Variants in RELN observed in about 807,000 individuals in gnomAD.
RELN encodes the protein reelin.
RELN carries 108 observed loss-of-function variants against 427.6 expected under a neutral mutation model. The ratio of observed to expected loss-of-function variants is 0.25; its 90% confidence interval spans 0.22 to 0.30. The LOEUF (loss-of-function observed/expected upper bound fraction) is 0.30, where lower values mean the gene tolerates loss of function less well. RELN is among the 10% of genes least tolerant of loss of function. The pLI, the probability that RELN is intolerant of heterozygous loss-of-function variation, is 1.00. For synonymous variants in RELN, 1,524 were observed against 1,513.4 expected (o/e 1.01, Z -0.16); for missense variants, 3,715 against 4,302.8 (o/e 0.86, Z 3.82).
intron 3 of RELN, among the ~76,000 whole-genome samples, chr7:103,807,589 G>T (rs1389445845): frequency 6.6e-6 from 1 of 152,070 alleles, no homozygotes; most frequent in Admixed American, 6.6e-5. Flanking sequence ...CCGATAGGTA[G>T]CCTGCCAATC....
Position 103,753,189 on chromosome 7 carries a change from T to A in RELN, c.570A>T (p.Pro190=), listed in dbSNP as rs768360835. Residue 190 remains proline (P), a synonymous_variant, in exon 5 of 65, where the codon CCA becomes CCT. Coordinates refer to ENST00000428762, the MANE Select transcript of RELN (RefSeq NM_005045.4). ...AGAGTCTTAAACACTTACCTAGATG[T>A]GGGTGCACAGTGACATCTGTTGGAG... ...QGAPTDVTVH[P]HLAEIHSDSI... is the part of the protein sequence containing the mutation. The A allele has an allele frequency of 3.1e-6, 5 of 1,613,948 alleles. No individual in the cohort carries two copies. In the Admixed American group the frequency reaches 8.3e-5, roughly 27 times the overall value.
At chr7:103,985,859 G>C (rs768234882) in intron 1 of RELN, among the ~76,000 whole-genome samples, 1 of 152,204 alleles carries the variant, frequency 6.6e-6, no homozygotes, top group African/African-American at 2.4e-5. Flanking sequence ...GTCCCTAGGA[G>C]AAGGTGTGCT....
chr7:103,616,704 T>C (rs1288624044), intron 20 of RELN, among the ~76,000 whole-genome samples: 1 of 152,162 alleles, frequency 6.6e-6, no homozygotes, highest in East Asian at 1.9e-4. Context: ...ATAATAAATA[T>C]GCTTTACTCC....
intron 1 of RELN, among the ~76,000 whole-genome samples, chr7:103,952,234 C>T (rs193052983): frequency 2.6e-5 from 4 of 152,212 alleles, no homozygotes; most frequent in East Asian, 1.9e-4. Flanking sequence ...ATGGGTGAGT[C>T]CAAGGATCAG....
intron 64 of RELN, among the ~76,000 whole-genome samples, chr7:103,473,744 T>G (rs1827937542): frequency 1.3e-5 from 2 of 152,292 alleles, no homozygotes; most frequent in South Asian, 4.1e-4. Flanking sequence ...TTTGGTATAG[T>G]CCTTTAAAAA....
chr7:103,699,207 GT>G (rs1834040057), intron 9 of RELN, among the ~76,000 whole-genome samples: 1 of 152,120 alleles, frequency 6.6e-6, no homozygotes, highest in Non-Finnish European at 1.5e-5. Context: ...CCCTGGGCTT[GT>G]CATAAATCAG....
chr7:103,757,603 G>A (rs953584935), intron 4 of RELN, among the ~76,000 whole-genome samples: 7 of 152,190 alleles, frequency 4.6e-5, no homozygotes, highest in African/African-American at 1.4e-4. Context: ...GTGGGTTTTG[G>A]TTTTGGAGAA....
chr7:103,976,400 C>T (rs768322380), intron 1 of RELN, among the ~76,000 whole-genome samples: 3 of 148,852 alleles, frequency 2.0e-5, no homozygotes, highest in Admixed American at 6.6e-5. Context: ...AGTGAGCAAG[C>T]GTTAACACAA....
At chr7:103,758,067 G>A (rs1350051477) in intron 4 of RELN, among the ~76,000 whole-genome samples, 2 of 152,166 alleles carry the variant, frequency 1.3e-5, no homozygotes, top group Non-Finnish European at 2.9e-5. Context: ...ATCCAATTCT[G>A]TTAAGAGTTC....
intron 1 of RELN, among the ~76,000 whole-genome samples, chr7:103,951,668 T>C (rs1178725379): frequency 2.2e-5 from 3 of 134,600 alleles, no homozygotes; most frequent in Non-Finnish European, 4.7e-5. Context: ...AGCTCCGACA[T>C]TGCTAGCCTT....
At chr7:103,610,839 G>C in intron 21 of RELN, 32 bp from the exon 22 acceptor site, 2 of 1,292,494 alleles carry the variant, frequency 1.5e-6, no homozygotes, top group Non-Finnish European at 2.3e-6. Flanking sequence ...ATCAAACCCA[G>C]CTTCTGTTTT....
At chr7:103,791,211 C>T (rs1180101525) in intron 3 of RELN, among the ~76,000 whole-genome samples, 1 of 152,004 alleles carries the variant, frequency 6.6e-6, no homozygotes, top group Non-Finnish European at 1.5e-5. Flanking sequence ...CAGCATGATA[C>T]CTCTCAAAAT....
chr7:103,765,369 C>T (rs1411260222), intron 4 of RELN, among the ~76,000 whole-genome samples: 1 of 152,156 alleles, frequency 6.6e-6, no homozygotes, highest in Non-Finnish European at 1.5e-5. Flanking sequence ...AGCTTCTTAA[C>T]AATGGGATGG....
intron 3 of RELN, among the ~76,000 whole-genome samples, chr7:103,777,298 T>C (rs866775128): frequency 1.6e-4 from 24 of 152,180 alleles, no homozygotes; most frequent in African/African-American, 5.8e-4. Flanking sequence ...AAAGGAATAA[T>C]TATGCTTTAT....
intron 22 of RELN, among the ~76,000 whole-genome samples, chr7:103,608,948 C>T (rs753449988): frequency 1.3e-5 from 2 of 152,122 alleles, no homozygotes; most frequent in African/African-American, 2.4e-5. Context: ...TTAGGCTAGG[C>T]GCGGTGGGTC....
intron 1 of RELN, among the ~76,000 whole-genome samples, chr7:103,951,539 T>G (rs939092646): frequency 1.3e-5 from 2 of 152,186 alleles, no homozygotes; most frequent in Non-Finnish European, 2.9e-5. Flanking sequence ...AGACCTTCCT[T>G]TCACCCTAGT....
At chr7:103,587,635 G>C (rs1831307634) in intron 28 of RELN, among the ~76,000 whole-genome samples, 1 of 151,922 alleles carries the variant, frequency 6.6e-6, no homozygotes, top group Non-Finnish European at 1.5e-5. Flanking sequence ...TCCAACAAGG[G>C]ACCAATATAA....
chr7:103,640,691 ATGGCCC>A lies in RELN; in HGVS notation c.2003-88_2003-83del. The A allele has an allele frequency of 7.2e-7, 1 of 1,390,006 alleles. No homozygotes were observed. Among genetic ancestry groups the A allele is most frequent in the African/African-American group, 1.4e-5 (1 of 70,130 alleles). The allele number at this position is 1,390,006 out of a possible 1,614,324, so 86.1% of individuals were successfully genotyped here. ...TTTTGTGAAGTAATACTCATGAAAT[ATGGCCC>A]CTTGTGTGTATGTTGTGTGCAGGAA... On this transcript the variant is annotated intron_variant, in intron 16 of 64. Coordinates refer to ENST00000428762, the MANE Select transcript of RELN (RefSeq NM_005045.4). This position sits in a 1 kb window ranked among gnomAD's most constrained non-coding sequence, Gnocchi z 4.1.
intron 46 of RELN, among the ~76,000 whole-genome samples, chr7:103,530,754 C>A (rs1829920721): frequency 6.6e-6 from 1 of 152,146 alleles, no homozygotes; most frequent in Non-Finnish European, 1.5e-5. Flanking sequence ...AATTCCTAGC[C>A]ATCCTTCAAG....
Sources: allele counts gnomAD v4.1 joint callset (sites outside exome capture counted in the v4.1 genomes callset), GRCh38; gene constraint gnomAD v4.1.1; non-coding constraint Gnocchi (gnomAD v3.1); transcripts MANE v1.5; gene names NCBI Gene and HGNC (gene_info 2026-07-23, HGNC 2026-07-21).